The following RSPH14 variants were observed in gnomAD, a reference collection of about 807,000 sequenced individuals.
RSPH14 encodes the protein radial spoke head 14 homolog.
A neutral mutation model predicts 26.7 loss-of-function variants in RSPH14; 20 were observed. The observed-to-expected ratio is 0.75, with a 90% CI of 0.53 to 1.09. The LOEUF is 1.09. Ranked by LOEUF, RSPH14 falls within the 50% of genes least tolerant of loss-of-function variation. The pLI is 0.00. For missense variants in RSPH14, 449 were observed against 457.2 expected (o/e 0.98, Z 0.16); for synonymous variants, 177 against 189.3 (o/e 0.93, Z 0.53).
At chr22:23,157,771 T>G in the RSPH14 span, among the ~76,000 whole-genome samples, 4 of 152,266 alleles carry the variant, frequency 2.6e-5, no homozygotes, top group Admixed American at 2.0e-4. Flanking sequence ...CCTCCCTGGA[T>G]CCCACACTGA....
At chr22:23,151,499 C>G in the RSPH14 span, among the ~76,000 whole-genome samples, 23 of 152,342 alleles carry the variant, frequency 1.5e-4, no homozygotes, top group African/African-American at 4.8e-4. Flanking sequence ...TGTCTGCAGG[C>G]AGAGGAAGTG....
chr22:23,178,589 G>A, the RSPH14 span, among the ~76,000 whole-genome samples: 1 of 152,332 alleles, frequency 6.6e-6, no homozygotes, highest in Middle Eastern at 3.4e-3. Flanking sequence ...GGGTCCAAGG[G>A]ACCAGGATGG....
At chr22:23,130,108 AAAGAAAGAAAGAAAG>A (rs2070301748) in intron 4 of RSPH14, among the ~76,000 whole-genome samples, 18 of 97,058 alleles carry the variant, frequency 1.9e-4, no homozygotes, top group African/African-American at 5.6e-4. Context: ...AGAAAGAAAG[AAAGAAAGAAAGAAAG>A]AAAGAAAGAA....
chr22:23,115,847 G>A (rs1443718878), intron 4 of RSPH14, among the ~76,000 whole-genome samples: 1 of 152,256 alleles, frequency 6.6e-6, no homozygotes, highest in Non-Finnish European at 1.5e-5. Flanking sequence ...AGTTTTCCTA[G>A]CAGAGTTACT....
Position 23,134,045 on chromosome 22 carries a change from CTGCATGTA to C in RSPH14, c.394_401del (p.Tyr132AlafsTer6). On this transcript the variant is annotated frameshift_variant, in exon 4 of 7. Coordinates refer to ENST00000216036, the MANE Select transcript of RSPH14 (RefSeq NM_014433.3). LOFTEE classifies it high-confidence loss of function. ...GCCTACCTCTAGGCACCTGGACCAG[CTGCATGTA>C]TGCCTTGTACAGGTTCCCCCGGCAG... The C allele has an allele frequency of 6.2e-7, 1 of 1,613,538 alleles. No homozygotes were observed. Among genetic ancestry groups the C allele is most frequent in the Non-Finnish European group, 8.5e-7 (1 of 1,179,532 alleles).
chr22:23,109,012 T>G (rs1241214625), intron 4 of RSPH14, among the ~76,000 whole-genome samples: 1 of 152,196 alleles, frequency 6.6e-6, no homozygotes, highest in Non-Finnish European at 1.5e-5. Flanking sequence ...CAGGGGAGGC[T>G]GGGCCTGAAG....
intron 4 of RSPH14, 61 bp downstream of exon 4, chr22:23,133,965 G>T: frequency 8.6e-7 from 1 of 1,166,902 alleles, no homozygotes; most frequent in Non-Finnish European, 1.3e-6. Context: ...ATGTGACCTG[G>T]AGAGGAGACC....
the RSPH14 span, chr22:23,162,825 T>A: frequency 2.3e-6 from 1 of 442,282 alleles, no homozygotes; most frequent in South Asian, 1.6e-5. Flanking sequence ...AGCTCAGCGA[T>A]TGCCAAATAC....
At chr22:23,168,899 G>A in the RSPH14 span, among the ~76,000 whole-genome samples, 3 of 152,294 alleles carry the variant, frequency 2.0e-5, no homozygotes, top group South Asian at 6.2e-4. Context: ...CCTGACAGGT[G>A]GTTGGCACCC....
the RSPH14 span, among the ~76,000 whole-genome samples, chr22:23,152,738 G>A: frequency 2.0e-5 from 3 of 152,202 alleles, no homozygotes; most frequent in Non-Finnish European, 4.4e-5. Context: ...CAGGAGCCTG[G>A]CGCTTGTCAG....
chr22:23,165,911 C>T, the RSPH14 span, among the ~76,000 whole-genome samples: 1 of 152,126 alleles, frequency 6.6e-6, no homozygotes, highest in Non-Finnish European at 1.5e-5. Context: ...CTTTGGGAGG[C>T]CAAGGCGGGC....
chr22:23,140,367 C>G lies in RSPH14; in HGVS notation c.54G>C (p.Gln18His). Residue 18 changes from glutamine (Q) to histidine (H), a missense_variant, in exon 2 of 7, where the codon CAG becomes CAC. Physicochemically the swap from Gln to His is conservative, Grantham distance 24. Transcript: ENST00000216036. ...LELPININATQITTAYGHRAL... is the reference protein window; with the variant it reads ...LELPININATHITTAYGHRAL... ...CCCGATGGCCATAGGCAGTGGTAAT[C>G]TGGGTGGCATTGATGTTAATGGGAA... is the stretch of plus-strand genomic sequence containing the variant. The G allele has an allele frequency of 6.2e-7, 1 of 1,614,216 alleles. No individual in the cohort carries two copies. Among genetic ancestry groups the G allele is most frequent in the Non-Finnish European group, 8.5e-7 (1 of 1,180,040 alleles).
chr22:23,149,651 C>T (rs1324129499), upstream of RSPH14, among the ~76,000 whole-genome samples: 1 of 152,226 alleles, frequency 6.6e-6, no homozygotes, highest in Non-Finnish European at 1.5e-5. Flanking sequence ...AATCCTTCCA[C>T]CTCAGCCTCC....
At chr22:23,156,519 G>A in the RSPH14 span, among the ~76,000 whole-genome samples, 1 of 152,166 alleles carries the variant, frequency 6.6e-6, no homozygotes, top group Non-Finnish European at 1.5e-5. Flanking sequence ...GCTGGGCAGG[G>A]CTCACCGTCA....
rs919732521 is a variant in RSPH14, at chr22:23,063,975, C to T, written c.580G>A (p.Val194Ile). Reference protein sequence around the residue: ...TEALGSNVVLVLKQKLLSANQ... With the variant: ...TEALGSNVVLILKQKLLSANQ... ...GCGCTGAGGAGCTTCTGCTTCAGGA[C>T]AAGCACCACATTGCTGCCCAGGGCC... Residue 194 changes from valine (V) to isoleucine (I), a missense_variant, in exon 5 of 7, where the codon GTC becomes ATC. Physicochemically the swap from Val to Ile is conservative, Grantham distance 29. Coordinates refer to ENST00000216036, the MANE Select transcript of RSPH14 (RefSeq NM_014433.3). 31 of 1,614,080 alleles carry T rather than the reference C, an allele frequency of 1.9e-5. No homozygotes were observed. Among genetic ancestry groups the T allele is most frequent in the Non-Finnish European group, 2.6e-5 (31 of 1,180,032 alleles).
the RSPH14 span, among the ~76,000 whole-genome samples, chr22:23,175,813 C>T: frequency 4.6e-5 from 7 of 152,180 alleles, no homozygotes; most frequent in Non-Finnish European, 7.3e-5. Context: ...TCTGCCCTGC[C>T]GGCCTCATGA....
intron 4 of RSPH14, chr22:23,095,468 T>G: frequency 1.9e-6 from 1 of 535,396 alleles, no homozygotes; most frequent in African/African-American, 1.9e-5. Context: ...GGAGGTGGAG[T>G]GTCACTAGTG....
the RSPH14 span, chr22:23,150,196 A>G: frequency 2.9e-5 from 42 of 1,463,928 alleles, no homozygotes; most frequent in Non-Finnish European, 3.9e-5. Context: ...GGTGGCAAGA[A>G]GGAATGAGTG....
At chr22:23,066,443 C>T (rs5751572) in intron 4 of RSPH14, among the ~76,000 whole-genome samples, 2 of 152,164 alleles carry the variant, frequency 1.3e-5, no homozygotes, top group African/African-American at 4.8e-5. Flanking sequence ...CAAAGCCAGG[C>T]GGGACCCTCA....
Sources: gnomAD v4.1 joint callset for allele counts (sites outside exome capture counted in the v4.1 genomes callset) on GRCh38, gnomAD v4.1.1 for gene constraint, MANE v1.5 for transcripts, NCBI Gene and HGNC (gene_info 2026-07-23, HGNC 2026-07-21) for gene names.